Variants in ACSBG2 observed in about 807,000 individuals in gnomAD.
ACSBG2 encodes the protein long-chain-fatty-acid--CoA ligase ACSBG2.
ACSBG2 carries 62 observed loss-of-function variants against 74.7 expected under a neutral mutation model. That is an observed-to-expected ratio of 0.83 (90% CI 0.68 to 1.03). The LOEUF (loss-of-function observed/expected upper bound fraction) is 1.03. ACSBG2 is among the 50% of genes least tolerant of loss of function. ACSBG2 has a pLI of 0.00. For synonymous variants in ACSBG2, 309 were observed against 294.1 expected, an observed-to-expected ratio of 1.05 and a Z score of -0.52; for missense variants, 730 against 817.6, an observed-to-expected ratio of 0.89 and a Z score of 1.31.
Position 6,138,279 on chromosome 19 carries a change from G to A in ACSBG2, c.-32+2370G>A, listed in dbSNP as rs1326996143. On this transcript the variant is annotated intron_variant, in intron 1 of 14. Transcript: ENST00000588485. ...CAGTGGTGGAGTTCTTGGCGGCCTC[G>A]TGCACATCTTGTTTGAATTGAGATC... Among the ~76,000 whole-genome samples the A allele has an allele frequency of 5.3e-5, 8 of 152,074 alleles. 1 individual carries two copies. In the East Asian group the frequency reaches 1.4e-3, roughly 26 times the overall value.
intron 10 of ACSBG2, 103 bp from the exon 11 acceptor site, chr19:6,185,333 C>G (rs1351900720): frequency 2.6e-6 from 3 of 1,161,010 alleles, no homozygotes; most frequent in South Asian, 1.3e-5. Context: ...CCAGCCTGCT[C>G]TAGCTGAGCA....
intron 6 of ACSBG2, among the ~76,000 whole-genome samples, chr19:6,165,473 G>A (rs530095100): frequency 1.8e-4 from 28 of 152,358 alleles, no homozygotes; most frequent in African/African-American, 6.5e-4. Flanking sequence ...AAGAAGTAGA[G>A]TGGGGAGTGG....
intron 6 of ACSBG2, among the ~76,000 whole-genome samples, 183 bp from the exon 7 acceptor site, chr19:6,165,683 G>A (rs1174009486): frequency 3.3e-5 from 5 of 152,198 alleles, no homozygotes; most frequent in Admixed American, 6.5e-5. Flanking sequence ...GACGCTGCGA[G>A]GAAGTGGCAG....
intron 8 of ACSBG2, among the ~76,000 whole-genome samples, chr19:6,181,237 A>AAAAGG (rs1195755163): frequency 6.8e-6 from 1 of 147,710 alleles, no homozygotes; most frequent in African/African-American, 2.5e-5. Context: ...AAAAAAAAAA[A>AAAAGG]AAAGGAAAGG....
intron 3 of ACSBG2, among the ~76,000 whole-genome samples, chr19:6,149,712 G>T (rs896831009): frequency 8.6e-5 from 13 of 151,896 alleles, no homozygotes; most frequent in Non-Finnish European, 1.5e-4. Flanking sequence ...TTCATCTTGT[G>T]GGCCAGGCTG....
At chr19:6,189,353 A>C (rs767799687) in intron 13 of ACSBG2, among the ~76,000 whole-genome samples, 2 of 152,196 alleles carry the variant, frequency 1.3e-5, no homozygotes, top group Non-Finnish European at 2.9e-5. Context: ...GGCTCACTCC[A>C]GAGTGGGGAT....
intron 3 of ACSBG2, among the ~76,000 whole-genome samples, chr19:6,150,393 T>G (rs1323333511): frequency 6.8e-6 from 1 of 147,824 alleles, no homozygotes; most frequent in Non-Finnish European, 1.5e-5. Flanking sequence ...ATTTGTAGAC[T>G]CAGGGTCATA....
chr19:6,181,083 G>A (rs1369069758), intron 8 of ACSBG2, among the ~76,000 whole-genome samples: 1 of 150,790 alleles, frequency 6.6e-6, no homozygotes, highest in East Asian at 1.9e-4. Context: ...AATTAGCCAG[G>A]CGTGGTGGTG....
chr19:6,168,896 A>G (rs905165803), intron 7 of ACSBG2, among the ~76,000 whole-genome samples: 1 of 152,104 alleles, frequency 6.6e-6, no homozygotes, highest in African/African-American at 2.4e-5. Flanking sequence ...CTCCTGCCTC[A>G]GCCTCCCAAG....
Position 6,152,537 on chromosome 19 carries a change from G to A in ACSBG2, c.386+742G>A, listed in dbSNP as rs992696056. The stretch of plus-strand genomic sequence containing the variant: ...GATCTCCTGACCTCATGATCCACCC[G>A]CCTCGGCCTCCCAATTTTTTTTTTT... On this transcript the variant is annotated intron_variant, in intron 4 of 14. Coordinates refer to ENST00000588485, the MANE Select transcript of ACSBG2 (RefSeq NM_030924.5). Among the ~76,000 whole-genome samples the A allele has an allele frequency of 1.6e-4, 4 of 24,452 alleles. 2 individuals carry two copies. Among genetic ancestry groups the A allele is most frequent in the South Asian group, 3.0e-3 (2 of 662 alleles). The allele number at this position is 24,452 out of a possible 152,430, so 16.0% of individuals were successfully genotyped here. A position where few individuals can be genotyped will look rare whatever the true frequency, so the allele number is the denominator to read the frequency against.
At chr19:6,160,004 A>T (rs1760754703) in intron 5 of ACSBG2, among the ~76,000 whole-genome samples, 1 of 152,186 alleles carries the variant, frequency 6.6e-6, no homozygotes, top group Non-Finnish European at 1.5e-5. Flanking sequence ...TATGATTAGC[A>T]AAATGGATGT....
At chr19:6,183,749 C>T (rs918472351) in intron 10 of ACSBG2, among the ~76,000 whole-genome samples, 1 of 152,196 alleles carries the variant, frequency 6.6e-6, no homozygotes, top group African/African-American at 2.4e-5. Flanking sequence ...CCCTGACTCC[C>T]TCCTTTTAGC....
chr19:6,144,737 C>T (rs1229635078), intron 2 of ACSBG2, among the ~76,000 whole-genome samples: 1 of 151,800 alleles, frequency 6.6e-6, no homozygotes, highest in African/African-American at 2.4e-5. Context: ...CTCTGTCACC[C>T]AGGCTGGAGT....
At chr19:6,137,579 G>A (rs972566307) in intron 1 of ACSBG2, among the ~76,000 whole-genome samples, 4 of 152,124 alleles carry the variant, frequency 2.6e-5, no homozygotes, top group Non-Finnish European at 5.9e-5. Flanking sequence ...TGCAGGCAGA[G>A]GAGAGACAGG....
At chr19:6,190,850 C>CACACAT (rs1568262426) in intron 14 of ACSBG2, 158 bp downstream of exon 14, 2 of 554,108 alleles carry the variant, frequency 3.6e-6, no homozygotes, top group Admixed American at 2.9e-5. Flanking sequence ...CACACACACA[C>CACACAT]ACTCTTAGTT....
intron 4 of ACSBG2, 118 bp from the exon 5 acceptor site, chr19:6,156,313 T>G: frequency 2.7e-6 from 3 of 1,101,304 alleles, no homozygotes; most frequent in Non-Finnish European, 3.8e-6. Context: ...GGGAAGCTGG[T>G]GCTGTGGCTG....
rs867826032 is a variant in ACSBG2, at chr19:6,183,114, G to A, written c.1164G>A (p.Leu388=). 1 of 1,614,182 alleles carries A rather than the reference G, an allele frequency of 6.2e-7. No individual in the cohort carries two copies. The highest frequency in any genetic ancestry group is 8.5e-7 in the Non-Finnish European group (1 of 1,180,036). Reference sequence around the variant, plus strand: ...GCAAAGTCAAGACATCCCTTGGCTTGGATCACTGTCACTCTTTTATCAGTG... The same window carrying A: ...GCAAAGTCAAGACATCCCTTGGCTTAGATCACTGTCACTCTTTTATCAGTG... ...VFSKVKTSLG[L]DHCHSFISGT... The change falls in exon 10 of 15, where the codon TTG becomes TTA. Residue 388 remains leucine (L), a synonymous_variant. Transcript: ENST00000588485.
intron 6 of ACSBG2, 183 bp downstream of exon 6, chr19:6,161,478 C>A: frequency 1.9e-6 from 1 of 539,872 alleles, no homozygotes; most frequent in South Asian, 2.3e-5. Flanking sequence ...GTGGGTGGGG[C>A]CTTGTGAGGA....
At chr19:6,188,314 T>A (rs1039912414) in intron 13 of ACSBG2, among the ~76,000 whole-genome samples, 1 of 151,952 alleles carries the variant, frequency 6.6e-6, no homozygotes, top group African/African-American at 2.4e-5. Flanking sequence ...AATATACCAA[T>A]ACACTGAGAC....
Sources: gnomAD v4.1 joint callset for allele counts (sites outside exome capture counted in the v4.1 genomes callset) on GRCh38, gnomAD v4.1.1 for gene constraint, MANE v1.5 for transcripts, NCBI Gene and HGNC (gene_info 2026-07-23, HGNC 2026-07-21) for gene names.